The following AGO2 variants were observed in gnomAD, a reference collection of about 807,000 sequenced individuals.
The protein encoded by AGO2 is argonaute RISC catalytic component 2.
In AGO2, 5 loss-of-function variants were observed where a neutral mutation model predicts 102.3. The ratio of observed to expected loss-of-function variants is 0.05; its 90% CI spans 0.03 to 0.10. The LOEUF is 0.10. AGO2 is among the 10% of genes least tolerant of loss of function. AGO2 has a pLI of 1.00. For missense variants in AGO2, 541 were observed against 1,183.7 expected (o/e 0.46, Z 7.97); for synonymous variants, 449 against 473.1 (o/e 0.95, Z 0.66).
chr8:140,548,704 G>C (rs11784591), intron 12 of AGO2, among the ~76,000 whole-genome samples: 7,063 of 152,282 alleles, frequency 0.046, 231 homozygotes, highest in Non-Finnish European at 0.075. Flanking sequence ...ATGGACTTTG[G>C]CGAAACTCCA....
chr8:140,640,911 C>T, the AGO2 span, among the ~76,000 whole-genome samples: 5 of 152,160 alleles, frequency 3.3e-5, no homozygotes, highest in Non-Finnish European at 7.3e-5. Flanking sequence ...ACAAATTCAT[C>T]CCAATGCATC....
chr8:140,601,733 A>G (rs2073936316), intron 1 of AGO2, among the ~76,000 whole-genome samples: 1 of 152,270 alleles, frequency 6.6e-6, no homozygotes, highest in Non-Finnish European at 1.5e-5. Context: ...TAGATTACTT[A>G]TAATACCTAA....
chr8:140,561,065 C>T lies in AGO2; in HGVS notation c.519-555G>A, dbSNP rs996964578. On this transcript the variant is annotated intron_variant, in intron 4 of 18. Coordinates refer to ENST00000220592, the MANE Select transcript of AGO2 (RefSeq NM_012154.5). ...CGGAGCTGCCCGCTGTGGGCTCCCC[C>T]GTAGGAGGTGGAAGGGCCAGCGTGA... Among the ~76,000 whole-genome samples, 42 of 152,354 alleles carry T rather than the reference C, an allele frequency of 2.8e-4. 1 individual carries two copies. The highest frequency in any genetic ancestry group is 1.5e-3 in the Admixed American group (23 of 15,306).
chr8:140,559,384 C>T lies in AGO2; in HGVS notation c.790+11G>A. On this transcript the variant is annotated intron_variant, in intron 6 of 18. Coordinates refer to ENST00000220592, the MANE Select transcript of AGO2 (RefSeq NM_012154.5). The stretch of plus-strand genomic sequence containing the variant: ...CAGCCCTCAGCCAGGTGTGCTGGGA[C>T]AGTTCATTACCTTTAATTTCTTTGG... 2 of 1,613,874 alleles carry T rather than the reference C, an allele frequency of 1.2e-6. No individual in the cohort carries two copies. The highest frequency in any genetic ancestry group is 1.1e-5 in the South Asian group (1 of 91,062).
intron 13 of AGO2, among the ~76,000 whole-genome samples, chr8:140,545,554 C>T (rs573398623): frequency 3.9e-5 from 6 of 152,288 alleles, no homozygotes; most frequent in African/African-American, 1.2e-4. Flanking sequence ...TGGCTCCCAC[C>T]GTCCACTCAT....
At chr8:140,541,457 C>A in intron 14 of AGO2, 99 bp from the exon 15 acceptor site, 1 of 1,167,680 alleles carries the variant, frequency 8.6e-7, no homozygotes, top group East Asian at 2.6e-5. Flanking sequence ...AGAAGTGTCC[C>A]CACCCTGGAA....
chr8:140,593,931 C>T (rs777196398), intron 1 of AGO2, among the ~76,000 whole-genome samples: 9 of 152,218 alleles, frequency 5.9e-5, no homozygotes, highest in Admixed American at 1.3e-4. Context: ...GCTGGAGGAA[C>T]CAAATGCGTG....
chr8:140,588,009 C>T (rs1346380139), intron 1 of AGO2, among the ~76,000 whole-genome samples: 3 of 152,284 alleles, frequency 2.0e-5, no homozygotes, highest in African/African-American at 4.8e-5. Flanking sequence ...CTGGAAGCAG[C>T]CATCCTCCCC....
chr8:140,553,033 G>A lies in AGO2; in HGVS notation c.1270-1597C>T, dbSNP rs183139461. Reference sequence around the variant, plus strand: ...AATGGACCAGGGGTAGGTAGAGTAGGGGACAGGAATGTTTCCTCACATTAT... The same window carrying A: ...AATGGACCAGGGGTAGGTAGAGTAGAGGACAGGAATGTTTCCTCACATTAT... On this transcript the variant is annotated intron_variant, in intron 10 of 18. Coordinates refer to ENST00000220592, the MANE Select transcript of AGO2 (RefSeq NM_012154.5). Among the ~76,000 whole-genome samples, 64 of 152,316 alleles carry A rather than the reference G, an allele frequency of 4.2e-4. 1 individual carries two copies. The highest frequency in any genetic ancestry group is 2.5e-3 in the South Asian group (12 of 4,828).
rs2072521651 is a variant in AGO2, at chr8:140,527,200, T to C, written c.*4844A>G. Reference sequence around the variant, plus strand: ...GAGACCATGTTCTCCTAGTAACCGATCTAGAACTTCCCTTCAGAAGAAAAA... The same window carrying C: ...GAGACCATGTTCTCCTAGTAACCGACCTAGAACTTCCCTTCAGAAGAAAAA... On this transcript the variant is annotated 3_prime_UTR_variant, in exon 19 of 19. Coordinates refer to ENST00000220592, the MANE Select transcript of AGO2 (RefSeq NM_012154.5). This position sits in a 1 kb window ranked among gnomAD's most constrained non-coding sequence, Gnocchi z 6.0. The C allele has an allele frequency of 2.0e-5, 3 of 152,098 alleles. No individual in the cohort carries two copies. Among genetic ancestry groups the C allele is most frequent in the Admixed American group, 1.3e-4 (2 of 15,276 alleles). 9.4% of individuals were successfully genotyped at this position (152,098 alleles called of 1,614,324 possible).
intron 1 of AGO2, among the ~76,000 whole-genome samples, chr8:140,617,361 C>A (rs1046056648): frequency 6.6e-6 from 1 of 152,144 alleles, no homozygotes; most frequent in East Asian, 1.9e-4. Context: ...AAGTGACCCT[C>A]CTGCCTCAGC....
Position 140,557,631 on chromosome 8 carries a change from C to T in AGO2, c.879-395G>A, listed in dbSNP as rs535009725. On this transcript the variant is annotated intron_variant, in intron 7 of 18. Coordinates refer to ENST00000220592, the MANE Select transcript of AGO2 (RefSeq NM_012154.5). The surrounding 1 kb of genome is among the most constrained non-coding windows in gnomAD (Gnocchi z 5.9). ...AAGGCCTGAAGCCCCCAGGACAGGACGAGGAAAGCAGGCCAGGCCGGTTCC... is the reference window on the plus strand; with the variant it reads ...AAGGCCTGAAGCCCCCAGGACAGGATGAGGAAAGCAGGCCAGGCCGGTTCC... Among the ~76,000 whole-genome samples the T allele has an allele frequency of 1.6e-4, 24 of 152,316 alleles. No homozygotes were observed. The highest frequency in any genetic ancestry group is 5.8e-4 in the African/African-American group (24 of 41,554).
rs951135880 is a variant in AGO2 at position 140,614,053 on chromosome 8, T to A, written c.22+21432A>T. Reference sequence around the variant, plus strand: ...AAAAAAAAAAAAAGGCCAGACACGGTGGCTCACGCCTGTAATTCCAGCACT... The same window carrying A: ...AAAAAAAAAAAAAGGCCAGACACGGAGGCTCACGCCTGTAATTCCAGCACT... On this transcript the variant is annotated intron_variant, in intron 1 of 18. Coordinates refer to ENST00000220592, the MANE Select transcript of AGO2 (RefSeq NM_012154.5). Among the ~76,000 whole-genome samples the A allele has an allele frequency of 2.3e-5, 3 of 133,256 alleles. No homozygotes were observed. In the East Asian group the frequency reaches 6.5e-4, roughly 29 times the overall value. 87.4% of individuals were successfully genotyped at this position (133,256 alleles called of 152,430 possible).
At chr8:140,537,920 G>A (rs537169417) in intron 16 of AGO2, among the ~76,000 whole-genome samples, 2 of 152,240 alleles carry the variant, frequency 1.3e-5, no homozygotes, top group African/African-American at 4.8e-5. Flanking sequence ...CCAGGTTTAA[G>A]CAATTCTCTT....
At chr8:140,547,408 C>A (rs549744985) in intron 13 of AGO2, 60 bp downstream of exon 13, 3 of 1,581,256 alleles carry the variant, frequency 1.9e-6, no homozygotes, top group Non-Finnish European at 1.7e-6. Context: ...TGCACCCCAC[C>A]CTGCCAAGCG....
Position 140,589,912 on chromosome 8 carries a change from GTTGTCTA to G in AGO2, c.23-4608_23-4602del, listed in dbSNP as rs1167768730. Among the ~76,000 whole-genome samples, 1 of 152,262 alleles carries G rather than the reference GTTGTCTA, an allele frequency of 6.6e-6. No individual in the cohort carries two copies. Among genetic ancestry groups the G allele is most frequent in the Non-Finnish European group, 1.5e-5 (1 of 68,052 alleles). The stretch of plus-strand genomic sequence containing the variant: ...AGGACACGAGGGTGACAACTCACCT[GTTGTCTA>G]CACAAGCAAGCCTCCCTTATGGCCA... On this transcript the variant is annotated intron_variant, in intron 1 of 18. Transcript: ENST00000220592. The surrounding 1 kb of genome is among the most constrained non-coding windows in gnomAD (Gnocchi z 4.2).
Position 140,528,959 on chromosome 8 carries a change from T to A in AGO2, c.*3085A>T, listed in dbSNP as rs1405489791. The A allele has an allele frequency of 6.6e-6, 1 of 152,188 alleles. No homozygotes were observed. The highest frequency in any genetic ancestry group is 1.5e-5 in the Non-Finnish European group (1 of 68,042). The allele number at this position is 152,188 out of a possible 1,614,324, so 9.4% of individuals were successfully genotyped here. ...AAGGATGGGAGTACATCAATGTTTT[T>A]AAAAAGTGAACATGTAAAAACACAC... On this transcript the variant is annotated 3_prime_UTR_variant, in exon 19 of 19. Coordinates refer to ENST00000220592, the MANE Select transcript of AGO2 (RefSeq NM_012154.5). This position sits in a 1 kb window ranked among gnomAD's most constrained non-coding sequence, Gnocchi z 4.5.
At chr8:140,574,987 CACCTCCA>C (rs1175463889) in intron 2 of AGO2, among the ~76,000 whole-genome samples, 1 of 152,180 alleles carries the variant, frequency 6.6e-6, no homozygotes, top group Admixed American at 6.5e-5. Context: ...TTGCTTGGTC[CACCTCCA>C]ACAGCCACAG....
chr8:140,619,059 A>G (rs2074180441), intron 1 of AGO2, among the ~76,000 whole-genome samples: 3 of 152,022 alleles, frequency 2.0e-5, no homozygotes, highest in African/African-American at 7.3e-5. Context: ...CTCCGAGAGC[A>G]GCTGCTGGCT....
Sources: gnomAD v4.1 joint callset for allele counts (sites outside exome capture counted in the v4.1 genomes callset) on GRCh38, gnomAD v4.1.1 for gene constraint, Gnocchi (gnomAD v3.1) non-coding constraint, MANE v1.5 for transcripts, NCBI Gene and HGNC (gene_info 2026-07-23, HGNC 2026-07-21) for gene names.